Variants in CNTNAP3B observed in about 807,000 individuals in gnomAD.
The protein encoded by CNTNAP3B is contactin-associated protein-like 3B.
A neutral mutation model predicts 108.9 loss-of-function variants in CNTNAP3B; 25 were observed. The observed-to-expected ratio is 0.23, with a 90% CI of 0.17 to 0.32. CNTNAP3B has a LOEUF of 0.32. CNTNAP3B is among the 10% of genes least tolerant of loss of function. The pLI is 1.00. For missense variants in CNTNAP3B, 252 were observed against 1,210.4 expected (o/e 0.21, Z 11.75); for synonymous variants, 103 against 473.4 (o/e 0.22, Z 10.16).
intron 13 of CNTNAP3B, among the ~76,000 whole-genome samples, chr9:41,940,627 T>C (rs1824310854): frequency 6.6e-6 from 1 of 152,252 alleles, no homozygotes; most frequent in Admixed American, 6.5e-5. Context: ...CCATCCTGGC[T>C]AACACGGTGA....
chr9:41,935,961 T>A (rs1824144153), intron 14 of CNTNAP3B, among the ~76,000 whole-genome samples: 1 of 152,264 alleles, frequency 6.6e-6, no homozygotes, highest in South Asian at 2.1e-4. Flanking sequence ...CATGGGAGGG[T>A]CACTCAATAC....
At chr9:42,094,534 G>C (rs1022415340) in intron 2 of CNTNAP3B, among the ~76,000 whole-genome samples, 2 of 130,896 alleles carry the variant, frequency 1.5e-5, no homozygotes, top group Admixed American at 1.6e-4. Flanking sequence ...ATGTGACTGT[G>C]GTCCCAGCTA....
intron 11 of CNTNAP3B, among the ~76,000 whole-genome samples, chr9:41,964,186 T>C (rs1825193825): frequency 6.6e-6 from 1 of 152,298 alleles, no homozygotes. Context: ...CTGAGAAGAT[T>C]CTCAGAATTA....
At chr9:41,933,152 G>T (rs1824032720) in intron 14 of CNTNAP3B, among the ~76,000 whole-genome samples, 1 of 151,992 alleles carries the variant, frequency 6.6e-6, no homozygotes, top group African/African-American at 2.4e-5. Context: ...ACTAATTTGA[G>T]GAGAATGTCA....
At chr9:42,110,540 A>G (rs532016918) in intron 1 of CNTNAP3B, among the ~76,000 whole-genome samples, 1 of 137,372 alleles carries the variant, frequency 7.3e-6, no homozygotes, top group Admixed American at 7.3e-5. Context: ...CTAAAAAAAA[A>G]AAAAAGAAAA....
At chr9:41,934,469 C>A (rs1186287999) in intron 14 of CNTNAP3B, among the ~76,000 whole-genome samples, 1 of 152,262 alleles carries the variant, frequency 6.6e-6, no homozygotes, top group African/African-American at 2.4e-5. Context: ...GATCTGCCCG[C>A]CTCGGCCTCC....
chr9:41,926,232 A>G (rs1284433198), intron 15 of CNTNAP3B, among the ~76,000 whole-genome samples: 1 of 152,160 alleles, frequency 6.6e-6, no homozygotes, highest in African/African-American at 2.4e-5. Flanking sequence ...TTTTTTACAT[A>G]TTTGCTCATT....
intron 9 of CNTNAP3B, among the ~76,000 whole-genome samples, chr9:41,978,872 C>T (rs1248212559): frequency 1.4e-5 from 2 of 147,270 alleles, no homozygotes; most frequent in Non-Finnish European, 3.0e-5. Context: ...CTGTGGTAAT[C>T]AGAACACAGT....
chr9:41,941,826 G>T (rs1381311244), intron 13 of CNTNAP3B, among the ~76,000 whole-genome samples: 1 of 151,050 alleles, frequency 6.6e-6, no homozygotes, highest in Non-Finnish European at 1.5e-5. Context: ...CTAGAGTGGG[G>T]GATACGCCTT....
At chr9:41,924,645 GCACACACACACACACACA>G (rs200851620) in intron 15 of CNTNAP3B, among the ~76,000 whole-genome samples, 84 of 135,160 alleles carry the variant, frequency 6.2e-4, no homozygotes, top group Non-Finnish European at 1.0e-3. Flanking sequence ...TTTCCTTCCT[GCACACACACACACACACA>G]CACACACACA....
At chr9:41,963,615 G>A (rs1304693395) in intron 11 of CNTNAP3B, among the ~76,000 whole-genome samples, 1 of 151,502 alleles carries the variant, frequency 6.6e-6, no homozygotes, top group African/African-American at 2.4e-5. Context: ...AGAGACTCGG[G>A]GCCCCATCTC....
Position 42,121,128 on chromosome 9 carries a change from C to A in CNTNAP3B, c.85+7882G>T, listed in dbSNP as rs1451773560. 7.2e-5 allele frequency among the ~76,000 whole-genome samples: 10 copies of A among 138,542 alleles called. 3 individuals are homozygous for A. Among genetic ancestry groups the A allele is most frequent in the Non-Finnish European group, 1.5e-4 (10 of 64,800 alleles). The allele number at this position is 138,542 out of a possible 152,430, so 90.9% of individuals were successfully genotyped here. ...GCACCCCAAGGGCAGTGCTGAATCC[C>A]TGGACAGGACTCAGGATAAATGCAT... is the stretch of plus-strand genomic sequence containing the variant. On this transcript the variant is annotated intron_variant, in intron 1 of 23. Transcript: ENST00000377561.
chr9:41,945,945 T>A (rs1372544054), intron 13 of CNTNAP3B, among the ~76,000 whole-genome samples: 4 of 152,268 alleles, frequency 2.6e-5, no homozygotes, highest in Non-Finnish European at 5.9e-5. Context: ...CTAAATTAAT[T>A]TTAGACAAAG....
intron 3 of CNTNAP3B, among the ~76,000 whole-genome samples, chr9:42,067,994 C>A (rs1472339913): frequency 7.2e-6 from 1 of 138,226 alleles, no homozygotes; most frequent in African/African-American, 2.9e-5. Context: ...TCACTATAGC[C>A]AAAGTTTCAG....
At chr9:42,112,452 G>C (rs1424074773) in intron 1 of CNTNAP3B, among the ~76,000 whole-genome samples, 1 of 139,078 alleles carries the variant, frequency 7.2e-6, no homozygotes, top group Non-Finnish European at 1.5e-5. Context: ...AAGGAGCCTT[G>C]CCTGCTGACT....
intron 13 of CNTNAP3B, among the ~76,000 whole-genome samples, chr9:41,940,143 C>T (rs1476550919): frequency 3.9e-5 from 6 of 152,284 alleles, no homozygotes; most frequent in East Asian, 1.9e-4. Flanking sequence ...CAATATCATC[C>T]GAATCTCAAA....
At chr9:41,942,853 G>T in intron 13 of CNTNAP3B, among the ~76,000 whole-genome samples, 1 of 152,090 alleles carries the variant, frequency 6.6e-6, no homozygotes. Flanking sequence ...GTTATGCAAA[G>T]AGCAAATTCA....
chr9:41,936,057 A>C (rs902653501), intron 14 of CNTNAP3B, among the ~76,000 whole-genome samples: 5 of 152,244 alleles, frequency 3.3e-5, no homozygotes, highest in African/African-American at 7.2e-5. Context: ...ATACTAACAG[A>C]AGGTTCTGTA....
chr9:41,942,510 C>T (rs1168952797), intron 13 of CNTNAP3B, among the ~76,000 whole-genome samples: 191 of 151,340 alleles, frequency 1.3e-3, no homozygotes, highest in African/African-American at 4.3e-3. Context: ...ACTGGGGAGG[C>T]TGAGGCGGGA....
Sources: gnomAD v4.1 joint callset for allele counts (sites outside exome capture counted in the v4.1 genomes callset) on GRCh38, gnomAD v4.1.1 for gene constraint, MANE v1.5 for transcripts, NCBI Gene and HGNC (gene_info 2026-07-23, HGNC 2026-07-21) for gene names.